ANKUB1: variants seen among roughly 807,000 people sequenced by gnomAD.
ANKUB1 encodes ankyrin repeat and ubiquitin domain containing 1, also known as protein ANKUB1.
In ANKUB1, 42 loss-of-function variants were observed where a neutral mutation model predicts 49.3. The observed-to-expected ratio is 0.85, with a 90% confidence interval of 0.67 to 1.10. The LOEUF (loss-of-function observed/expected upper bound fraction) is 1.10, where lower values mean the gene tolerates loss of function less well. Ranked by LOEUF, ANKUB1 falls within the 50% of genes least tolerant of loss-of-function variation. The pLI is 0.00. For synonymous variants in ANKUB1, 222 were observed against 231.0 expected (o/e 0.96, Z 0.35); for missense variants, 613 against 642.0 (o/e 0.95, Z 0.49).
At chr3:149,790,509 C>A (rs114974416) in intron 2 of ANKUB1, among the ~76,000 whole-genome samples, 2,595 of 152,182 alleles carry the variant, frequency 0.017, 80 homozygotes, top group African/African-American at 0.059. Flanking sequence ...GTTTTCATAT[C>A]GGTTCTGAGA....
intron 3 of ANKUB1, among the ~76,000 whole-genome samples, 195 bp from the exon 4 acceptor site, chr3:149,770,869 TG>T (rs1717324734): frequency 6.6e-6 from 1 of 152,248 alleles, no homozygotes; most frequent in South Asian, 2.1e-4. Flanking sequence ...TTGGCATCTG[TG>T]TATTACCATT....
chr3:149,771,317 C>G (rs1445461153), intron 3 of ANKUB1, among the ~76,000 whole-genome samples: 1 of 152,186 alleles, frequency 6.6e-6, no homozygotes, highest in Non-Finnish European at 1.5e-5. Flanking sequence ...GGGGATTAAA[C>G]CCAGCCTTCT....
chr3:149,779,978 A>G, intron 3 of ANKUB1: 1 of 444,974 alleles, frequency 2.2e-6, no homozygotes, highest in South Asian at 3.4e-5. Flanking sequence ...AATCTTCAAA[A>G]CAATAATGGT....
intron 5 of ANKUB1, among the ~76,000 whole-genome samples, chr3:149,766,200 T>C (rs1387579289): frequency 6.6e-6 from 1 of 152,220 alleles, no homozygotes; most frequent in East Asian, 1.9e-4. Flanking sequence ...TCTTTAGATG[T>C]GCTAAGGATT....
intron 2 of ANKUB1, among the ~76,000 whole-genome samples, chr3:149,787,372 T>A (rs1187033302): frequency 3.9e-5 from 6 of 152,184 alleles, no homozygotes; most frequent in Non-Finnish European, 8.8e-5. Context: ...TGGCTCTCTG[T>A]CTGTTATAGG....
At position 149,780,248 on chromosome 3, in the gene ANKUB1, T is replaced by C. The variant is rs1385856530; in HGVS notation, c.442A>G (p.Thr148Ala). ...YDCNTLKDYQ[T>A]DIGTTLRLDV... ...ATATACTGGGCAGTACCAATATCAGTCTGGTAGTCCTTGAGGGTGTTGCAA... is the reference window on the plus strand; with the variant it reads ...ATATACTGGGCAGTACCAATATCAGCCTGGTAGTCCTTGAGGGTGTTGCAA... The change falls in exon 3 of 6, where the codon ACT becomes GCT. Residue 148 changes from threonine (T) to alanine (A), a missense_variant. Transcript: ENST00000446160. 6.4e-7 allele frequency: 1 copy of C among 1,551,654 alleles called. No individual in the cohort carries two copies. Among genetic ancestry groups the C allele is most frequent in the Non-Finnish European group, 8.7e-7 (1 of 1,146,960 alleles).
intron 2 of ANKUB1, among the ~76,000 whole-genome samples, chr3:149,784,723 G>A (rs1344113215): frequency 6.6e-6 from 1 of 152,152 alleles, no homozygotes; most frequent in Non-Finnish European, 1.5e-5. Flanking sequence ...TGTTGGTCAG[G>A]GGAAAAGCCA....
chr3:149,769,720 A>C (rs1449485135), intron 4 of ANKUB1, among the ~76,000 whole-genome samples: 1 of 152,242 alleles, frequency 6.6e-6, no homozygotes, highest in Admixed American at 6.5e-5. Context: ...GAATTGTTTT[A>C]TGGGCACTGG....
At chr3:149,788,976 T>C (rs1718235729) in intron 2 of ANKUB1, among the ~76,000 whole-genome samples, 1 of 151,970 alleles carries the variant, frequency 6.6e-6, no homozygotes. Context: ...GGCTTCACCA[T>C]GTTGGCCAGA....
chr3:149,783,976 A>G (rs1243334527), intron 2 of ANKUB1: 2 of 152,216 alleles, frequency 1.3e-5, no homozygotes, highest in African/African-American at 4.8e-5. Context: ...TTTTGTGTAT[A>G]AAAATGCATA....
intron 5 of ANKUB1, 25 bp downstream of exon 5, chr3:149,767,132 T>C (rs1717061322): frequency 2.0e-6 from 3 of 1,479,314 alleles, no homozygotes; most frequent in Non-Finnish European, 2.7e-6. Context: ...CTTTGCTGTT[T>C]GTATGTTTAA....
chr3:149,792,452 G>A lies in ANKUB1; in HGVS notation c.-86C>T. On this transcript the variant is annotated 5_prime_UTR_variant, in exon 1 of 6. Coordinates refer to ENST00000446160, the MANE Select transcript of ANKUB1 (RefSeq NM_001144960.3). Reference sequence around the variant, plus strand: ...TAGAAAAATTCCGGTTCACAATTAAGGACAAAAATGATAGCCAGAGGCAGC... The same window carrying A: ...TAGAAAAATTCCGGTTCACAATTAAAGACAAAAATGATAGCCAGAGGCAGC... 9.4e-7 allele frequency: 1 copy of A among 1,066,362 alleles called. No homozygotes were observed. The highest frequency in any genetic ancestry group is 1.3e-6 in the Non-Finnish European group (1 of 775,124). The allele number at this position is 1,066,362 out of a possible 1,614,324, so 66.1% of individuals were successfully genotyped here. A position where few individuals can be genotyped will look rare whatever the true frequency, so the allele number is the denominator to read the frequency against.
chr3:149,788,161 A>G (rs1718192636), intron 2 of ANKUB1, among the ~76,000 whole-genome samples: 1 of 152,232 alleles, frequency 6.6e-6, no homozygotes, highest in African/African-American at 2.4e-5. Context: ...TCAGTAAAGC[A>G]ACTAACATGA....
intron 2 of ANKUB1, 116 bp downstream of exon 2, chr3:149,790,665 G>A: frequency 1.9e-6 from 2 of 1,047,600 alleles, no homozygotes; most frequent in South Asian, 3.4e-5. Flanking sequence ...GAAGTGAGGA[G>A]AAGGCAAAAA....
At chr3:149,776,304 C>G (rs1717593762) in intron 3 of ANKUB1, among the ~76,000 whole-genome samples, 1 of 152,140 alleles carries the variant, frequency 6.6e-6, no homozygotes. Context: ...CTTCCGTGTG[C>G]TTGCCTTGAC....
chr3:149,766,624 T>G, intron 5 of ANKUB1: 1 of 468,746 alleles, frequency 2.1e-6, no homozygotes. Context: ...ACATGGTGAG[T>G]CCTCATCTCT....
At chr3:149,768,948 AAC>A (rs902101990) in intron 4 of ANKUB1, among the ~76,000 whole-genome samples, 4 of 152,236 alleles carry the variant, frequency 2.6e-5, no homozygotes, top group African/African-American at 7.2e-5. Flanking sequence ...TAATAAATAT[AAC>A]ACAGTGTCTG....
intron 2 of ANKUB1, among the ~76,000 whole-genome samples, chr3:149,782,044 C>T (rs1022557116): frequency 8.6e-5 from 13 of 151,928 alleles, no homozygotes; most frequent in African/African-American, 1.7e-4. Flanking sequence ...ATAATATTTA[C>T]GGGCAGGCAG....
rs1417983285 is a variant in ANKUB1, at chr3:149,767,593, T to TTTTTGG, written c.1063_1068dup (p.Pro355_Lys356dup). On this transcript the variant is annotated inframe_insertion, in exon 5 of 6. Transcript: ENST00000446160. ...GCCTTATGCCAGCTCTTGGAGGTCA[T>TTTTTGG]TTTTGGTTTGGTGAAACCATCCACC... The TTTTTGG allele has an allele frequency of 1.1e-5, 17 of 1,551,682 alleles. No individual in the cohort carries two copies. The African/African-American group carries it at 2.2e-4, about 20-fold the overall frequency.
Sources: gnomAD v4.1 joint callset for allele counts (sites outside exome capture counted in the v4.1 genomes callset) on GRCh38, gnomAD v4.1.1 for gene constraint, MANE v1.5 for transcripts, NCBI Gene and HGNC (gene_info 2026-07-23, HGNC 2026-07-21) for gene names.